CDH13: variants seen among roughly 807,000 people sequenced by gnomAD.
CDH13 encodes cadherin 13, also known as cadherin-13.
Under a neutral mutation model 63.8 loss-of-function variants are expected in CDH13, and 24 were observed. That is an observed-to-expected ratio of 0.38 (90% CI 0.27 to 0.53). CDH13 has a LOEUF of 0.53. Ranked by LOEUF, CDH13 falls within the 20% of genes least tolerant of loss-of-function variation. The pLI is 0.85. For missense variants in CDH13, 1,049 were observed against 903.1 expected, an observed-to-expected ratio of 1.16 and a Z score of -2.07; for synonymous variants, 503 against 355.3, an observed-to-expected ratio of 1.42 and a Z score of -4.67.
At chr16:83,185,255 TG>T (rs2038483424) in intron 4 of CDH13, among the ~76,000 whole-genome samples, 2 of 152,200 alleles carry the variant, frequency 1.3e-5, no homozygotes, top group South Asian at 4.1e-4. Context: ...GTATACGCTA[TG>T]GGGCTTTGAG....
intron 8 of CDH13, among the ~76,000 whole-genome samples, chr16:83,608,320 G>T (rs1467334918): frequency 6.6e-6 from 1 of 152,184 alleles, no homozygotes; most frequent in Non-Finnish European, 1.5e-5. Context: ...AAAGGTAAAT[G>T]GTAGGAGTTA....
At chr16:83,012,136 C>T (rs1914226285) in intron 2 of CDH13, among the ~76,000 whole-genome samples, 3 of 152,050 alleles carry the variant, frequency 2.0e-5, no homozygotes, top group Admixed American at 2.0e-4. Flanking sequence ...GAAAACTATC[C>T]AAGAATAACT....
In CDH13 at chr16:83,038,073, A is replaced by G. The variant is rs537185560; in HGVS notation, c.366+5855A>G. Among the ~76,000 whole-genome samples, 29 of 152,330 alleles carry G rather than the reference A, an allele frequency of 1.9e-4. 1 individual carries two copies. The South Asian group carries it at 5.8e-3, about 30-fold the overall frequency. ...AAAGGGAAGGCATGCTCAGAGAGGTAGGTGGGACCGCCAGCCTAACCAAAA... is the reference window on the plus strand; with the variant it reads ...AAAGGGAAGGCATGCTCAGAGAGGTGGGTGGGACCGCCAGCCTAACCAAAA... On this transcript the variant is annotated intron_variant, in intron 3 of 13. Transcript: ENST00000567109.
chr16:83,058,847 A>G (rs145395164), intron 3 of CDH13, among the ~76,000 whole-genome samples: 1 of 152,236 alleles, frequency 6.6e-6, no homozygotes, highest in Non-Finnish European at 1.5e-5. Flanking sequence ...TGATGAGATT[A>G]TCTCTCTTCC....
intron 6 of CDH13, among the ~76,000 whole-genome samples, chr16:83,429,362 A>G (rs1293199164): frequency 6.6e-6 from 1 of 151,914 alleles, no homozygotes; most frequent in Non-Finnish European, 1.5e-5. Flanking sequence ...TAATATGGAA[A>G]CCTCTCCTTT....
intron 7 of CDH13, among the ~76,000 whole-genome samples, chr16:83,584,109 C>T (rs1463026054): frequency 2.6e-5 from 4 of 152,112 alleles, no homozygotes; most frequent in African/African-American, 7.2e-5. Flanking sequence ...ATGGGCGGAT[C>T]ACGAGGTCAG....
intron 4 of CDH13, among the ~76,000 whole-genome samples, chr16:83,212,024 G>A (rs911707934): frequency 8.5e-5 from 13 of 152,190 alleles, no homozygotes; most frequent in African/African-American, 3.1e-4. Flanking sequence ...AACAGCTGCT[G>A]CAACAGTCGA....
intron 2 of CDH13, among the ~76,000 whole-genome samples, chr16:82,947,643 G>C (rs1451042776): frequency 6.6e-6 from 1 of 151,968 alleles, no homozygotes; most frequent in Non-Finnish European, 1.5e-5. Flanking sequence ...AATTTTCTTT[G>C]ATATAAAATA....
chr16:82,760,491 C>G, intron 1 of CDH13, among the ~76,000 whole-genome samples: 1 of 151,974 alleles, frequency 6.6e-6, no homozygotes, highest in East Asian at 1.9e-4. Context: ...CATTACAACA[C>G]CTTACTTTAG....
intron 7 of CDH13, among the ~76,000 whole-genome samples, chr16:83,601,594 A>C (rs1413631880): frequency 6.6e-6 from 1 of 152,214 alleles, no homozygotes; most frequent in African/African-American, 2.4e-5. Context: ...AAATGGGAAC[A>C]ATGATTGCAA....
At chr16:82,957,813 C>G (rs1462105797) in intron 2 of CDH13, among the ~76,000 whole-genome samples, 2 of 152,218 alleles carry the variant, frequency 1.3e-5, no homozygotes, top group South Asian at 2.1e-4. Flanking sequence ...GAAATGATCT[C>G]TAGTATAACT....
chr16:83,434,566 C>T (rs1044765054), intron 6 of CDH13, among the ~76,000 whole-genome samples: 1 of 151,984 alleles, frequency 6.6e-6, no homozygotes, highest in Non-Finnish European at 1.5e-5. Flanking sequence ...CCACTCCCTC[C>T]ATCTCAAACT....
chr16:83,168,842 C>G (rs1326314067), intron 4 of CDH13, among the ~76,000 whole-genome samples: 1 of 152,004 alleles, frequency 6.6e-6, no homozygotes, highest in Non-Finnish European at 1.5e-5. Flanking sequence ...AAAGTTCTTC[C>G]AAACCATGAT....
intron 11 of CDH13, among the ~76,000 whole-genome samples, chr16:83,755,274 A>C (rs776946878): frequency 5.9e-5 from 9 of 152,176 alleles, no homozygotes; most frequent in Non-Finnish European, 1.2e-4. Context: ...AGCAAACACC[A>C]CAAGGGAAGC....
intron 7 of CDH13, among the ~76,000 whole-genome samples, chr16:83,497,717 C>T (rs375826970): frequency 2.0e-5 from 3 of 152,050 alleles, no homozygotes; most frequent in African/African-American, 7.2e-5. Flanking sequence ...GTCATCAAAA[C>T]ATAGACAGCA....
intron 1 of CDH13, among the ~76,000 whole-genome samples, chr16:82,840,627 G>C (rs925048484): frequency 6.8e-6 from 1 of 148,028 alleles, no homozygotes; most frequent in Non-Finnish European, 1.5e-5. Context: ...GGAGGTTGCA[G>C]TGAGCTGAGA....
chr16:83,481,057 G>C (rs993804848), intron 6 of CDH13, among the ~76,000 whole-genome samples: 14 of 152,146 alleles, frequency 9.2e-5, no homozygotes, highest in Non-Finnish European at 1.9e-4. Context: ...AGAACTCACT[G>C]CCTCCTCTGG....
At chr16:83,633,148 C>G (rs1305017836) in intron 8 of CDH13, among the ~76,000 whole-genome samples, 4 of 152,088 alleles carry the variant, frequency 2.6e-5, no homozygotes, top group Non-Finnish European at 4.4e-5. Context: ...TGATCTAAAT[C>G]TTGTGCTGAC....
intron 1 of CDH13, among the ~76,000 whole-genome samples, chr16:82,674,385 T>C (rs144348866): frequency 1.3e-5 from 2 of 152,346 alleles, no homozygotes; most frequent in East Asian, 3.9e-4. Flanking sequence ...ATTTGAGGTA[T>C]TTGAAATGAA....
Sources: allele counts gnomAD v4.1 joint callset (sites outside exome capture counted in the v4.1 genomes callset), GRCh38; gene constraint gnomAD v4.1.1; transcripts MANE v1.5; gene names NCBI Gene and HGNC (gene_info 2026-07-23, HGNC 2026-07-21).